Variants in ADCY10 observed in about 807,000 individuals in gnomAD.
The protein encoded by ADCY10 is adenylate cyclase 10.
A neutral mutation model predicts 183.3 loss-of-function variants in ADCY10; 156 were observed. The ratio of observed to expected loss-of-function variants is 0.85; its 90% CI spans 0.75 to 0.97. The LOEUF (loss-of-function observed/expected upper bound fraction) is 0.97, where lower values mean the gene tolerates loss of function less well. Ranked by LOEUF, ADCY10 falls within the 50% of genes least tolerant of loss-of-function variation. ADCY10 has a pLI of 0.00. For missense variants in ADCY10, 1,745 were observed against 1,934.3 expected, an observed-to-expected ratio of 0.90 and a Z score of 1.84; for synonymous variants, 645 against 670.0, an observed-to-expected ratio of 0.96 and a Z score of 0.58.
At chr1:167,842,434 T>C (rs1425072023) in intron 21 of ADCY10, among the ~76,000 whole-genome samples, 1 of 152,172 alleles carries the variant, frequency 6.6e-6, no homozygotes, top group African/African-American at 2.4e-5. Flanking sequence ...GTGCTGGGAT[T>C]ACAAGCGTGA....
intron 22 of ADCY10, 67 bp downstream of exon 22, chr1:167,837,182 A>C: frequency 7.1e-7 from 1 of 1,399,284 alleles, no homozygotes; most frequent in Non-Finnish European, 1.0e-6. Context: ...AAATGATTCT[A>C]ATAGTGTTCT....
chr1:167,851,541 G>A (rs1665485853), intron 18 of ADCY10, among the ~76,000 whole-genome samples: 1 of 152,132 alleles, frequency 6.6e-6, no homozygotes, highest in Admixed American at 6.5e-5. Flanking sequence ...ACTTAACATT[G>A]GTCGGGCACA....
At chr1:167,880,093 G>T (rs1207526357) in intron 11 of ADCY10, 22 bp downstream of exon 11, 1 of 1,603,984 alleles carries the variant, frequency 6.2e-7, no homozygotes. Context: ...AAGAAAGCTG[G>T]AGATGAGCTG....
Position 167,818,184 on chromosome 1 carries a change from AGT to A in ADCY10, c.4368_4369del (p.Leu1457TyrfsTer4). 1 of 1,614,194 alleles carries A rather than the reference AGT, an allele frequency of 6.2e-7. No homozygotes were observed. The highest frequency in any genetic ancestry group is 8.5e-7 in the Non-Finnish European group (1 of 1,180,020). On this transcript the variant is annotated frameshift_variant, in exon 31 of 33. Coordinates refer to ENST00000367851, the MANE Select transcript of ADCY10 (RefSeq NM_018417.6). LOFTEE classifies it high-confidence loss of function. Reference sequence around the variant, plus strand: ...CCTAGATATTCCGTCATAGTAAGTAAGTGTCATGGTTCTTCTTGGCAAAAGAT... The same window carrying A: ...CCTAGATATTCCGTCATAGTAAGTAAGTCATGGTTCTTCTTGGCAAAAGAT...
chr1:167,824,585 C>A lies in ADCY10; in HGVS notation c.3956-13G>T. The A allele has an allele frequency of 6.2e-7, 1 of 1,614,206 alleles. No individual in the cohort carries two copies. The highest frequency in any genetic ancestry group is 1.1e-5 in the South Asian group (1 of 91,088). ...AGGGCTCGGGAGCCTGGGAAGAAAA[C>A]AATTCCAGTATATTGTGGGGCATTC... On this transcript the variant is annotated splice_polypyrimidine_tract_variant and intron_variant, in intron 27 of 32. Coordinates refer to ENST00000367851, the MANE Select transcript of ADCY10 (RefSeq NM_018417.6).
At chr1:167,818,459 T>A (rs1217017590) in intron 30 of ADCY10, 192 bp from the exon 31 acceptor site, 4 of 700,464 alleles carry the variant, frequency 5.7e-6, no homozygotes, top group Non-Finnish European at 1.0e-5. Flanking sequence ...AAATAATAAA[T>A]TTTTTTGATG....
At chr1:167,836,624 T>C in intron 22 of ADCY10, 84 bp from the exon 23 acceptor site, 1 of 995,970 alleles carries the variant, frequency 1.0e-6, no homozygotes, top group Non-Finnish European at 1.6e-6. Flanking sequence ...ACGCGGTGGC[T>C]CACGCCTGTA....
chr1:167,847,905 G>A (rs1236047065), intron 19 of ADCY10, among the ~76,000 whole-genome samples: 1 of 152,182 alleles, frequency 6.6e-6, no homozygotes, highest in Non-Finnish European at 1.5e-5. Context: ...GCTCTTAGGA[G>A]CAAAGCCAAG....
chr1:167,912,699 A>T (rs746396409), intron 1 of ADCY10, among the ~76,000 whole-genome samples: 56 of 150,508 alleles, frequency 3.7e-4, no homozygotes, highest in Non-Finnish European at 6.8e-4. Context: ...TGCCTATTAA[A>T]CTCTCCGATC....
Position 167,824,673 on chromosome 1 carries a change from G to A in ADCY10, c.3933C>T (p.His1311=), listed in dbSNP as rs963775716. Residue 1311 remains histidine, a synonymous_variant, in exon 27 of 33, where the codon CAC becomes CAT. Transcript: ENST00000367851. ...TACCTAACTCAATGGCCAAATCCAG[G>A]TGTCCCATTATGAGCTTGTTGAAGA... is the stretch of plus-strand genomic sequence containing the variant. ...TLVFNKLIMG[H]LDLAIELGSR... is the part of the protein sequence containing the mutation. 1 of 1,614,162 alleles carries A rather than the reference G, an allele frequency of 6.2e-7. No individual in the cohort carries two copies. Among genetic ancestry groups the A allele is most frequent in the Non-Finnish European group, 8.5e-7 (1 of 1,180,024 alleles).
chr1:167,852,377 G>A (rs1220511950), intron 18 of ADCY10, among the ~76,000 whole-genome samples: 1 of 152,036 alleles, frequency 6.6e-6, no homozygotes, highest in African/African-American at 2.4e-5. Context: ...GCAGGAGACG[G>A]AGATTGCAGT....
chr1:167,912,770 C>A (rs559707713), intron 1 of ADCY10, among the ~76,000 whole-genome samples: 2 of 152,312 alleles, frequency 1.3e-5, no homozygotes, highest in African/African-American at 2.4e-5. Flanking sequence ...GGACTAAGAA[C>A]CTTGGTGTTC....
At chr1:167,833,524 T>A (rs1218234255) in intron 24 of ADCY10, among the ~76,000 whole-genome samples, 1 of 152,208 alleles carries the variant, frequency 6.6e-6, no homozygotes, top group East Asian at 1.9e-4. Context: ...GGCGGGCGGA[T>A]CACTTGAGGT....
intron 21 of ADCY10, among the ~76,000 whole-genome samples, chr1:167,844,972 C>T (rs1337672262): frequency 2.0e-5 from 3 of 152,140 alleles, no homozygotes; most frequent in Middle Eastern, 3.2e-3. Flanking sequence ...GTCTTTGGGT[C>T]CTTACACCCC....
intron 21 of ADCY10, 149 bp downstream of exon 21, chr1:167,845,414 T>C: frequency 1.3e-6 from 1 of 759,934 alleles, no homozygotes; most frequent in Non-Finnish European, 2.2e-6. Flanking sequence ...CTCTTCCCCA[T>C]TGGCCTAGGC....
chr1:167,824,597 A>C, intron 27 of ADCY10, 25 bp from the exon 28 acceptor site: 1 of 1,614,052 alleles, frequency 6.2e-7, no homozygotes, highest in Non-Finnish European at 8.5e-7. Flanking sequence ...ATTCCAGTAT[A>C]TTGTGGGGCA....
chr1:167,902,098 A>C, intron 3 of ADCY10, 44 bp from the exon 4 acceptor site: 1 of 1,573,264 alleles, frequency 6.4e-7, no homozygotes, highest in African/African-American at 1.4e-5. Context: ...GATTCCTTAA[A>C]GGTAGTAAAA....
At chr1:167,886,224 G>A (rs1351007541) in intron 8 of ADCY10, among the ~76,000 whole-genome samples, 1 of 152,138 alleles carries the variant, frequency 6.6e-6, no homozygotes. Flanking sequence ...AACCAAAAAA[G>A]AGCCTGCATT....
At chr1:167,885,722 T>C (rs1446506879) in intron 8 of ADCY10, among the ~76,000 whole-genome samples, 1 of 152,156 alleles carries the variant, frequency 6.6e-6, no homozygotes, top group Non-Finnish European at 1.5e-5. Flanking sequence ...TTCAAGTGAT[T>C]CTGTTGCCTC....
Sources: gnomAD v4.1 joint callset for allele counts (sites outside exome capture counted in the v4.1 genomes callset) on GRCh38, gnomAD v4.1.1 for gene constraint, MANE v1.5 for transcripts, NCBI Gene and HGNC (gene_info 2026-07-23, HGNC 2026-07-21) for gene names.